Variants in CSNK1G1 observed in about 807,000 individuals in gnomAD.
CSNK1G1 encodes the protein casein kinase I isoform gamma-1.
In CSNK1G1, 22 loss-of-function variants were observed where a neutral mutation model predicts 59.6. The ratio of observed to expected loss-of-function variants is 0.37; its 90% CI spans 0.26 to 0.53. The LOEUF (loss-of-function observed/expected upper bound fraction) is 0.53, where lower values mean the gene tolerates loss of function less well. CSNK1G1 is among the 20% of genes least tolerant of loss of function. The pLI is 0.89. For missense variants in CSNK1G1, 384 were observed against 519.5 expected (o/e 0.74, Z 2.54); for synonymous variants, 179 against 177.1 (o/e 1.01, Z -0.08).
chr15:64,342,344 T>C (rs949888895), intron 1 of CSNK1G1, among the ~76,000 whole-genome samples: 7 of 152,226 alleles, frequency 4.6e-5, no homozygotes, highest in Non-Finnish European at 1.0e-4. Flanking sequence ...GCATTTAACA[T>C]GCCACTTGTT....
chr15:64,245,806 A>G (rs1891720760), intron 4 of CSNK1G1, among the ~76,000 whole-genome samples: 1 of 152,078 alleles, frequency 6.6e-6, no homozygotes, highest in Admixed American at 6.6e-5. Context: ...ATTTGCAGCA[A>G]CACAGATGGA....
At chr15:64,312,127 T>G (rs1896029191) in intron 1 of CSNK1G1, among the ~76,000 whole-genome samples, 1 of 152,140 alleles carries the variant, frequency 6.6e-6, no homozygotes, top group South Asian at 2.1e-4. Flanking sequence ...TGGAAAAACA[T>G]TCCATGCTCA....
At chr15:64,185,701 T>C (rs2081883093) in intron 10 of CSNK1G1, among the ~76,000 whole-genome samples, 1 of 151,776 alleles carries the variant, frequency 6.6e-6, no homozygotes, top group South Asian at 2.1e-4. Context: ...CCATCTCTAC[T>C]AAATATCCAA....
intron 2 of CSNK1G1, among the ~76,000 whole-genome samples, chr15:64,289,179 C>CA (rs111427455): frequency 0.083 from 9,007 of 108,970 alleles, 315 homozygotes; most frequent in South Asian, 0.13. Flanking sequence ...GACTCTGTAT[C>CA]AAAAAAAAAA....
At chr15:64,327,504 C>T (rs1274462885) in intron 1 of CSNK1G1, among the ~76,000 whole-genome samples, 1 of 142,358 alleles carries the variant, frequency 7.0e-6, no homozygotes, top group Non-Finnish European at 1.5e-5. Flanking sequence ...AAAGGACATC[C>T]ACACCGAAAA....
At chr15:64,218,551 A>C (rs894900205) in intron 4 of CSNK1G1, among the ~76,000 whole-genome samples, 11 of 149,618 alleles carry the variant, frequency 7.4e-5, no homozygotes, top group Admixed American at 5.4e-4. Context: ...GTGTCCACCA[A>C]TTTTTTTTTG....
At chr15:64,352,061 C>T (rs1351789766) in intron 1 of CSNK1G1, among the ~76,000 whole-genome samples, 1 of 152,016 alleles carries the variant, frequency 6.6e-6, no homozygotes, top group Admixed American at 6.6e-5. Context: ...AATCCCAGCA[C>T]CTTGGGAGGC....
intron 4 of CSNK1G1, among the ~76,000 whole-genome samples, chr15:64,247,112 G>A (rs1383685923): frequency 6.6e-6 from 1 of 152,100 alleles, no homozygotes; most frequent in East Asian, 1.9e-4. Context: ...TTGTTCCTGT[G>A]TGCTAGAATA....
intron 1 of CSNK1G1, among the ~76,000 whole-genome samples, chr15:64,305,308 GCA>G (rs1895614952): frequency 1.3e-5 from 2 of 152,108 alleles, no homozygotes; most frequent in South Asian, 4.1e-4. Context: ...GTGCTCCAGT[GCA>G]CACATGAATG....
intron 2 of CSNK1G1, among the ~76,000 whole-genome samples, chr15:64,266,203 T>C (rs1363078187): frequency 1.3e-5 from 2 of 151,956 alleles, no homozygotes; most frequent in East Asian, 1.9e-4. Flanking sequence ...GCTGGGACTA[T>C]AGGCATGAGG....
At chr15:64,307,683 G>C (rs185469132) in intron 1 of CSNK1G1, among the ~76,000 whole-genome samples, 1 of 152,154 alleles carries the variant, frequency 6.6e-6, no homozygotes, top group Non-Finnish European at 1.5e-5. Flanking sequence ...CAACTTACTT[G>C]TTTTTGATTT....
At chr15:64,180,325 G>C (rs140140446) in intron 11 of CSNK1G1, 23 bp downstream of exon 11, 35 of 1,563,238 alleles carry the variant, frequency 2.2e-5, no homozygotes, top group African/African-American at 1.5e-4. Context: ...TGACTTAAGA[G>C]CCCCCTTGAA....
chr15:64,205,621 TC>T, intron 7 of CSNK1G1, among the ~76,000 whole-genome samples: 1 of 152,194 alleles, frequency 6.6e-6, no homozygotes, highest in African/African-American at 2.4e-5. Context: ...CTTGCTGCAC[TC>T]AGACTTAAGC....
chr15:64,178,776 G>A (rs907992482), intron 11 of CSNK1G1, among the ~76,000 whole-genome samples: 2 of 151,842 alleles, frequency 1.3e-5, no homozygotes, highest in African/African-American at 4.8e-5. Flanking sequence ...CACTGCACCT[G>A]GCCAAAAACT....
chr15:64,212,558 A>G (rs1328923854), intron 6 of CSNK1G1, among the ~76,000 whole-genome samples: 1 of 152,094 alleles, frequency 6.6e-6, no homozygotes, highest in African/African-American at 2.4e-5. Flanking sequence ...CTATAAAAAA[A>G]TTTAGAAGTT....
chr15:64,165,849 G>C lies in CSNK1G1; in HGVS notation c.*6082C>G, dbSNP rs2081596720. 9.2e-6 allele frequency: 4 copies of C among 435,024 alleles called. No homozygotes were observed. The highest frequency in any genetic ancestry group is 1.6e-5 in the Non-Finnish European group (4 of 246,242). The allele number at this position is 435,024 out of a possible 1,614,324, so 26.9% of individuals were successfully genotyped here. ...AGATCACATTTGTGTTTTCCATGGT[G>C]CCCTAGGAAATGGGCTACTCTGAGA... On this transcript the variant is annotated 3_prime_UTR_variant, in exon 12 of 12. Transcript: ENST00000303052.
At chr15:64,280,393 T>G (rs566218484) in intron 2 of CSNK1G1, among the ~76,000 whole-genome samples, 4 of 152,220 alleles carry the variant, frequency 2.6e-5, no homozygotes, top group East Asian at 1.9e-4. Context: ...CCTTTTTTTT[T>G]TTGTTTGTAT....
At chr15:64,269,823 A>G (rs1893185927) in intron 2 of CSNK1G1, among the ~76,000 whole-genome samples, 1 of 149,344 alleles carries the variant, frequency 6.7e-6, no homozygotes, top group African/African-American at 2.5e-5. Flanking sequence ...TTTATTTTTG[A>G]CATGGAGTCT....
chr15:64,189,815 C>CTTTT (rs970702567), intron 10 of CSNK1G1, among the ~76,000 whole-genome samples: 9 of 127,314 alleles, frequency 7.1e-5, no homozygotes, highest in Non-Finnish European at 9.8e-5. Context: ...CTACAATTTA[C>CTTTT]TTTTTTTTTT....
Sources: allele counts gnomAD v4.1 joint callset (sites outside exome capture counted in the v4.1 genomes callset), GRCh38; gene constraint gnomAD v4.1.1; transcripts MANE v1.5; gene names NCBI Gene and HGNC (gene_info 2026-07-23, HGNC 2026-07-21).